The following AFAP1L2 variants were observed in gnomAD, a reference collection of about 807,000 sequenced individuals.
AFAP1L2 encodes the protein actin filament-associated protein 1-like 2.
AFAP1L2 carries 46 observed loss-of-function variants against 99.3 expected under a neutral mutation model. The ratio of observed to expected loss-of-function variants is 0.46; its 90% CI spans 0.37 to 0.59. The LOEUF is 0.59. AFAP1L2 is among the 20% of genes least tolerant of loss of function. The pLI is 0.00. For missense variants in AFAP1L2, 959 were observed against 1,034.9 expected, an observed-to-expected ratio of 0.93 and a Z score of 1.01; for synonymous variants, 397 against 419.1, an observed-to-expected ratio of 0.95 and a Z score of 0.64.
At chr10:114,396,026 T>C (rs895772467) in intron 1 of AFAP1L2, among the ~76,000 whole-genome samples, 1 of 152,188 alleles carries the variant, frequency 6.6e-6, no homozygotes, top group African/African-American at 2.4e-5. Context: ...CTGTAATTCT[T>C]CCAGAAAACC....
downstream of AFAP1L2, among the ~76,000 whole-genome samples, chr10:114,293,659 C>T (rs1420510758): frequency 2.0e-5 from 3 of 152,134 alleles, no homozygotes; most frequent in Non-Finnish European, 4.4e-5. Flanking sequence ...AATATATTTT[C>T]CTTGCAATAA....
intron 1 of AFAP1L2, among the ~76,000 whole-genome samples, chr10:114,382,708 G>A (rs1366531695): frequency 6.8e-6 from 1 of 146,894 alleles, no homozygotes; most frequent in Non-Finnish European, 1.5e-5. Flanking sequence ...TGATTCTCCT[G>A]CCTCAGCCTC....
chr10:114,348,662 G>A (rs934892718), intron 1 of AFAP1L2, among the ~76,000 whole-genome samples: 5 of 152,174 alleles, frequency 3.3e-5, no homozygotes, highest in Non-Finnish European at 4.4e-5. Flanking sequence ...TTAAGTTCAC[G>A]CAATGTGTAG....
At chr10:114,329,796 G>A (rs1313979069) in intron 4 of AFAP1L2, among the ~76,000 whole-genome samples, 3 of 152,326 alleles carry the variant, frequency 2.0e-5, no homozygotes, top group Admixed American at 6.5e-5. Context: ...GGCCCAGGCT[G>A]GGGGAGGAAT....
At position 114,304,824 on chromosome 10, in the gene AFAP1L2, C is replaced by T. The variant is rs1459947946; in HGVS notation, c.1179G>A (p.Gln393=). 6.2e-7 allele frequency: 1 copy of T among 1,613,428 alleles called. No individual in the cohort carries two copies. The highest frequency in any genetic ancestry group is 8.5e-7 in the Non-Finnish European group (1 of 1,180,024). The change falls in exon 11 of 19, where the codon CAG becomes CAA. Residue 393 remains glutamine, a synonymous_variant. Coordinates refer to ENST00000304129, the MANE Select transcript of AFAP1L2 (RefSeq NM_001001936.3). Reference sequence around the variant, plus strand: ...CGCAGCCCACCAGGCTGAGGGGTTGCTGGGCCACCTTGCTCCGGTTCCGGT... The same window carrying T: ...CGCAGCCCACCAGGCTGAGGGGTTGTTGGGCCACCTTGCTCCGGTTCCGGT... ...YQDRNRSKVA[Q]QPLSLVGCEV...
At chr10:114,299,452 G>C in intron 15 of AFAP1L2, 37 bp from the exon 16 acceptor site, 1 of 1,610,978 alleles carries the variant, frequency 6.2e-7, no homozygotes, top group Non-Finnish European at 8.5e-7. Context: ...GGTAAGCAGA[G>C]CTGGATCATG....
chr10:114,367,742 G>A (rs188393001), intron 1 of AFAP1L2, among the ~76,000 whole-genome samples: 100 of 152,316 alleles, frequency 6.6e-4, no homozygotes, highest in Middle Eastern at 3.4e-3. Context: ...GGCAGAGGGG[G>A]TGGAAGAGAG....
At position 114,340,641 on chromosome 10, in the gene AFAP1L2, C is replaced by T. The variant is rs144105083; in HGVS notation, c.107G>A (p.Cys36Tyr). 2 of 1,614,130 alleles carry T rather than the reference C, an allele frequency of 1.2e-6. No homozygotes were observed. Among genetic ancestry groups the T allele is most frequent in the Non-Finnish European group, 1.7e-6 (2 of 1,180,050 alleles). The change falls in exon 2 of 19, where the codon TGC becomes TAC. Residue 36 changes from cysteine (C) to tyrosine (Y), a missense_variant. Transcript: ENST00000304129. ...GTAAAGCCGGAGGAGCTCCGCCAGG[C>T]AGCTCTTCTTCACCAGTGCTGTGCT... is the stretch of plus-strand genomic sequence containing the variant. Reference protein sequence around the residue: ...LSSTALVKKSCLAELLRLYTK... With the variant: ...LSSTALVKKSYLAELLRLYTK...
chr10:114,344,744 T>TTG (rs1564931574), intron 1 of AFAP1L2, among the ~76,000 whole-genome samples: 1 of 152,116 alleles, frequency 6.6e-6, no homozygotes, highest in African/African-American at 2.4e-5. Context: ...GGAAAAGGAA[T>TTG]TGTAGCTCGT....
intron 1 of AFAP1L2, among the ~76,000 whole-genome samples, chr10:114,369,436 A>G (rs2136932270): frequency 6.6e-6 from 1 of 152,188 alleles, no homozygotes; most frequent in South Asian, 2.1e-4. Flanking sequence ...TCTACTAAAA[A>G]TACAAAAAAT....
chr10:114,288,904 T>C, the AFAP1L2 span: 1 of 1,571,134 alleles, frequency 6.4e-7, no homozygotes. Flanking sequence ...GACTGGCACA[T>C]CCACTGCTGA....
At chr10:114,378,079 C>A (rs1198724938) in intron 1 of AFAP1L2, among the ~76,000 whole-genome samples, 1 of 152,198 alleles carries the variant, frequency 6.6e-6, no homozygotes, top group Non-Finnish European at 1.5e-5. Flanking sequence ...ATGAGGGTAC[C>A]AATCACCAGG....
intron 11 of AFAP1L2, 74 bp from the exon 12 acceptor site, chr10:114,302,558 A>G (rs762116744): frequency 3.0e-5 from 47 of 1,585,776 alleles, no homozygotes; most frequent in Non-Finnish European, 3.5e-5. Context: ...CCACCAGGCC[A>G]TGACCGTACC....
chr10:114,300,551 G>C lies in AFAP1L2; in HGVS notation c.1682C>G (p.Thr561Arg), dbSNP rs376841532. ...SSAQAQASSP[T>R]LSCLDNATEA... is the part of the protein sequence containing the mutation. Reference sequence around the variant, plus strand: ...AGTTGCATTGTCCAGGCAGGACAACGTCGGGGAGGAGGCCTGGGCCTGTGC... The same window carrying C: ...AGTTGCATTGTCCAGGCAGGACAACCTCGGGGAGGAGGCCTGGGCCTGTGC... Residue 561 changes from threonine (T) to arginine (R), a missense_variant, in exon 14 of 19, where the codon ACG becomes AGG. By Grantham distance (71) the Thr-to-Arg change is moderately conservative (BLOSUM62 -1). Coordinates refer to ENST00000304129, the MANE Select transcript of AFAP1L2 (RefSeq NM_001001936.3). 2.4e-5 allele frequency: 38 copies of C among 1,614,052 alleles called. No individual in the cohort carries two copies. Among genetic ancestry groups the C allele is most frequent in the Non-Finnish European group, 3.1e-5 (37 of 1,180,026 alleles).
downstream of AFAP1L2, among the ~76,000 whole-genome samples, chr10:114,290,691 A>T (rs2039498355): frequency 6.6e-6 from 1 of 151,482 alleles, no homozygotes; most frequent in East Asian, 1.9e-4. Flanking sequence ...GACAACTAGG[A>T]GGGAGGCCAC....
chr10:114,314,071 T>A, intron 6 of AFAP1L2, 21 bp from the exon 7 acceptor site: 1 of 1,598,764 alleles, frequency 6.3e-7, no homozygotes, highest in Non-Finnish European at 8.6e-7. Flanking sequence ...AGAGAGAAGA[T>A]ACACCACTTT....
chr10:114,291,118 G>A, downstream of AFAP1L2: 3 of 1,380,550 alleles, frequency 2.2e-6, no homozygotes, highest in Admixed American at 2.0e-5. Context: ...GAGGTGGGTT[G>A]TAGAGTAAGA....
chr10:114,313,927 C>T lies in AFAP1L2; in HGVS notation c.736G>A (p.Ala246Thr). Residue 246 changes from alanine (A) to threonine (T), a missense_variant, in exon 7 of 19, where the codon GCC (alanine) becomes ACC (threonine). Coordinates refer to ENST00000304129, the MANE Select transcript of AFAP1L2 (RefSeq NM_001001936.3). Reference protein sequence around the residue: ...EHKLKITPMNADVIVLGLQSK... With the variant: ...EHKLKITPMNTDVIVLGLQSK... ...TGCAGGCCCAGCACAATCACATCGG[C>T]ATTCATCGGCGTGATCTTCAGCTTG... 1 of 1,614,048 alleles carries T rather than the reference C, an allele frequency of 6.2e-7. No homozygotes were observed. Among genetic ancestry groups the T allele is most frequent in the Middle Eastern group, 1.6e-4 (1 of 6,062 alleles).
Position 114,404,428 on chromosome 10 carries a change from C to A in AFAP1L2, c.16+12G>T. 1 of 1,543,086 alleles carries A rather than the reference C, an allele frequency of 6.5e-7. No individual in the cohort carries two copies. Among genetic ancestry groups the A allele is most frequent in the Middle Eastern group, 1.7e-4 (1 of 5,982 alleles). On this transcript the variant is annotated intron_variant, in intron 1 of 18. Coordinates refer to ENST00000304129, the MANE Select transcript of AFAP1L2 (RefSeq NM_001001936.3). Reference sequence around the variant, plus strand: ...AGTGGGTGTGCGCCGCGCGAGGAACCCGCGCCCTCACCTTTGTACCGCTCC... The same window carrying A: ...AGTGGGTGTGCGCCGCGCGAGGAACACGCGCCCTCACCTTTGTACCGCTCC...
Sources: allele counts gnomAD v4.1 joint callset (sites outside exome capture counted in the v4.1 genomes callset), GRCh38; gene constraint gnomAD v4.1.1; transcripts MANE v1.5; gene names NCBI Gene and HGNC (gene_info 2026-07-23, HGNC 2026-07-21).